Variants in ACRV1 observed in about 807,000 individuals in gnomAD.
ACRV1 encodes acrosomal vesicle protein 1.
In ACRV1, 17 loss-of-function variants were observed where a neutral mutation model predicts 29.2. That is an observed-to-expected ratio of 0.58 (90% confidence interval 0.40 to 0.87). ACRV1 has a LOEUF of 0.87. Among genes scored for constraint, ACRV1 ranks in the 40% least tolerant of loss-of-function variants. The probability of loss-of-function intolerance (pLI) is 0.00; values close to 1 mark genes in which losing one functional copy is unlikely to be tolerated. For missense variants in ACRV1, 294 were observed against 316.0 expected (o/e 0.93, Z 0.53); for synonymous variants, 98 against 111.6 (o/e 0.88, Z 0.77).
At chr11:125,680,610 C>G in intron 1 of ACRV1, 119 bp downstream of exon 1, 1 of 904,978 alleles carries the variant, frequency 1.1e-6, no homozygotes, top group Non-Finnish European at 1.7e-6. Context: ...TTTAGCTGCT[C>G]TTGATTCTGA....
At chr11:125,674,066 G>A (rs113445309) in intron 3 of ACRV1, among the ~76,000 whole-genome samples, 5 of 151,942 alleles carry the variant, frequency 3.3e-5, no homozygotes, top group Non-Finnish European at 5.9e-5. Context: ...CAGGAGAATC[G>A]CTGGGGGGCA....
Position 125,672,675 on chromosome 11 carries a change from C to G in ACRV1, c.716G>C (p.Cys239Ser). The G allele has an allele frequency of 6.2e-7, 1 of 1,614,140 alleles. No individual in the cohort carries two copies. The highest frequency in any genetic ancestry group is 2.2e-5 in the East Asian group (1 of 44,880). Reference sequence around the variant, plus strand: ...ATGGGAGAAGAGGTTCATAGATGGGCACATGTTCTCACACCCTTGAACCAT... The same window carrying G: ...ATGGGAGAAGAGGTTCATAGATGGGGACATGTTCTCACACCCTTGAACCAT... ...QFMVQGCENM[C>S]PSMNLFSHGT... The change falls in exon 4 of 4, where the codon TGC becomes TCC. Residue 239 changes from cysteine to serine, a missense_variant. Coordinates refer to ENST00000533904, the MANE Select transcript of ACRV1 (RefSeq NM_001612.6).
At chr11:125,676,133 C>G in intron 3 of ACRV1, 1 of 462,716 alleles carries the variant, frequency 2.2e-6, no homozygotes, top group Non-Finnish European at 3.9e-6. Flanking sequence ...ATCTGGAACT[C>G]CTGACCTCAA....
intron 1 of ACRV1, among the ~76,000 whole-genome samples, chr11:125,680,001 T>G (rs1942721560): frequency 1.3e-5 from 2 of 152,264 alleles, no homozygotes; most frequent in African/African-American, 4.8e-5. Context: ...TTCTTGATCT[T>G]ATAGTTTATG....
chr11:125,678,972 G>T (rs1942651398), intron 1 of ACRV1, among the ~76,000 whole-genome samples: 2 of 29,768 alleles, frequency 6.7e-5, no homozygotes, highest in Non-Finnish European at 7.0e-5. Context: ...AAAAAGTCTA[G>T]GCATATTATA....
chr11:125,680,830 A>G lies in ACRV1; in HGVS notation c.-50T>C, dbSNP rs774493160. ...CCAGTGTGGGCCACAGCTTCTTCAC[A>G]GAGCTATGAAGCAAACTGCGAGCAA... On this transcript the variant is annotated 5_prime_UTR_variant, in exon 1 of 4. Transcript: ENST00000533904. The G allele has an allele frequency of 2.4e-4, 358 of 1,501,024 alleles. No homozygotes were observed. Among genetic ancestry groups the G allele is most frequent in the Non-Finnish European group, 3.1e-4 (340 of 1,084,872 alleles). 93.0% of individuals were successfully genotyped at this position (1,501,024 alleles called of 1,614,324 possible).
In ACRV1 at chr11:125,672,369, C is replaced by G; in HGVS notation, c.*224G>C. ...ATGTGAAATTTATTGAAAAAAAAAT[C>G]AGGAATATTGAGAGAAAGAGTTGGA... is the stretch of plus-strand genomic sequence containing the variant. On this transcript the variant is annotated 3_prime_UTR_variant, in exon 4 of 4. Transcript: ENST00000533904. 2.1e-6 allele frequency: 1 copy of G among 479,248 alleles called. No homozygotes were observed. Among genetic ancestry groups the G allele is most frequent in the Non-Finnish European group, 3.6e-6 (1 of 279,288 alleles). 29.7% of individuals were successfully genotyped at this position (479,248 alleles called of 1,614,324 possible). A position where few individuals can be genotyped will look rare whatever the true frequency, so the allele number is the denominator to read the frequency against.
In ACRV1 at chr11:125,680,738, A is replaced by C; in HGVS notation, c.43T>G (p.Ser15Ala). Residue 15 changes from serine to alanine, a missense_variant, in exon 1 of 4, where the codon TCT becomes GCT. Coordinates refer to ENST00000533904, the MANE Select transcript of ACRV1 (RefSeq NM_001612.6). ...TAGATCAAACACTCACCTCTGGCAG[A>C]TCCAAGCAGATAAAGACTCATTAGC... is the stretch of plus-strand genomic sequence containing the variant. ...LLLMSLYLLG[S>A]ARGTSSQPNE... The C allele has an allele frequency of 6.2e-7, 1 of 1,613,828 alleles. No homozygotes were observed. Among genetic ancestry groups the C allele is most frequent in the Non-Finnish European group, 8.5e-7 (1 of 1,179,768 alleles).
At chr11:125,674,100 C>T (rs575317907) in intron 3 of ACRV1, among the ~76,000 whole-genome samples, 13 of 151,936 alleles carry the variant, frequency 8.6e-5, no homozygotes, top group African/African-American at 1.9e-4. Context: ...GCTGAGATCG[C>T]GCCACTGCAC....
In ACRV1 at chr11:125,678,139, T is replaced by A; in HGVS notation, c.211A>T (p.Ser71Cys). The A allele has an allele frequency of 6.2e-7, 1 of 1,614,194 alleles. No homozygotes were observed. The highest frequency in any genetic ancestry group is 1.1e-5 in the South Asian group (1 of 91,084). The change falls in exon 2 of 4, where the codon AGT becomes TGT. Residue 71 changes from serine (S) to cysteine (C), a missense_variant. Physicochemically the swap from Ser to Cys is moderately radical, Grantham distance 112. Transcript: ENST00000533904. ...GLNTLSEHGS[S>C]EHGSSKHTVA... The stretch of plus-strand genomic sequence containing the variant: ...GTGTGCTTGCTTGAACCATGCTCAC[T>A]GGAACCATGCTCACTTAAAGTGTTC...
chr11:125,672,745 G>A, intron 3 of ACRV1, 28 bp from the exon 4 acceptor site: 2 of 1,612,726 alleles, frequency 1.2e-6, no homozygotes, highest in East Asian at 2.2e-5. Context: ...AGACTAGTGA[G>A]CAGAAAGCTT....
chr11:125,680,641 TGA>T, intron 1 of ACRV1, 86 bp downstream of exon 1: 17 of 1,242,362 alleles, frequency 1.4e-5, no homozygotes, highest in Non-Finnish European at 1.9e-5. Context: ...TTTGGGTGAC[TGA>T]GAGACTGGTC....
In ACRV1 at chr11:125,680,606, T is replaced by C. The variant is rs1324871499; in HGVS notation, c.52+123A>G. 3.6e-6 allele frequency: 3 copies of C among 844,254 alleles called. No individual in the cohort carries two copies. The East Asian group carries it at 7.7e-5, about 22-fold the overall frequency. The allele number at this position is 844,254 out of a possible 1,614,324, so 52.3% of individuals were successfully genotyped here. A position where few individuals can be genotyped will look rare whatever the true frequency, so the allele number is the denominator to read the frequency against. ...GCTCTCCGAGTTGGACTTGTTTAGC[T>C]GCTCTTGATTCTGACTCAGATTGGT... On this transcript the variant is annotated intron_variant, in intron 1 of 3. Transcript: ENST00000533904.
chr11:125,680,705 C>A, intron 1 of ACRV1, 24 bp downstream of exon 1: 1 of 1,607,944 alleles, frequency 6.2e-7, no homozygotes, highest in Non-Finnish European at 8.5e-7. Context: ...TTGTATTTAC[C>A]TGAAGCCTAG....
In ACRV1 at chr11:125,672,586, C is replaced by G. The variant is rs569313764; in HGVS notation, c.*7G>C. 6.2e-7 allele frequency: 1 copy of G among 1,613,780 alleles called. No homozygotes were observed. The highest frequency in any genetic ancestry group is 1.3e-5 in the African/African-American group (1 of 75,018). ...GCCTGAGTCAAAACAAGCAAGGGCC[C>G]AGGCTTCTAGATCTTATTGCAGAAA... On this transcript the variant is annotated 3_prime_UTR_variant, in exon 4 of 4. Transcript: ENST00000533904.
In ACRV1 at chr11:125,678,069, G is replaced by A; in HGVS notation, c.281C>T (p.Ala94Val). 1 of 1,614,214 alleles carries A rather than the reference G, an allele frequency of 6.2e-7. No homozygotes were observed. Among genetic ancestry groups the A allele is most frequent in the East Asian group, 2.2e-5 (1 of 44,886 alleles). Residue 94 changes from alanine (A) to valine (V), a missense_variant, in exon 2 of 4, where the codon GCT becomes GTT. By Grantham distance (64) the Ala-to-Val change is moderately conservative. Coordinates refer to ENST00000533904, the MANE Select transcript of ACRV1 (RefSeq NM_001612.6). ...TSGEHAESEH[A>V]SGEPAATEHA... Reference sequence around the variant, plus strand: ...TTCAGTCGCAGCGGGCTCACCTGAAGCATGCTCACTCTCAGCATGTTCTCC... The same window carrying A: ...TTCAGTCGCAGCGGGCTCACCTGAAACATGCTCACTCTCAGCATGTTCTCC...
At chr11:125,679,278 C>CG in intron 1 of ACRV1, among the ~76,000 whole-genome samples, 1 of 140,812 alleles carries the variant, frequency 7.1e-6, no homozygotes, top group Non-Finnish European at 1.5e-5. Flanking sequence ...AGTACAGTGG[C>CG]ACAATCTTGG....
rs528848235 is a variant in ACRV1 at position 125,672,615 on chromosome 11, T to G, written c.776A>C (p.Gln259Pro). Reference protein sequence around the residue: ...TRMQIICCRNQSFCNKI With the variant: ...TRMQIICCRNPSFCNKI ...CTTCTAGATCTTATTGCAGAAAGAT[T>G]GATTTCGACAGCATATAATTTGCAT... The change falls in exon 4 of 4, where the codon CAA (glutamine) becomes CCA (proline). Residue 259 changes from glutamine to proline, a missense_variant. Transcript: ENST00000533904. 4 of 1,614,116 alleles carry G rather than the reference T, an allele frequency of 2.5e-6. No homozygotes were observed. In the African/African-American group the frequency reaches 5.3e-5, roughly 22 times the overall value.
At chr11:125,678,964 A>AG (rs1942650981) in intron 1 of ACRV1, among the ~76,000 whole-genome samples, 1 of 139,130 alleles carries the variant, frequency 7.2e-6, no homozygotes, top group Admixed American at 7.2e-5. Flanking sequence ...TAAAAAAAAA[A>AG]AAGTCTAGGC....
Sources: allele counts gnomAD v4.1 joint callset (sites outside exome capture counted in the v4.1 genomes callset), GRCh38; gene constraint gnomAD v4.1.1; transcripts MANE v1.5; gene names NCBI Gene and HGNC (gene_info 2026-07-23, HGNC 2026-07-21).